The following XPO1 variants were observed in gnomAD, a reference collection of about 807,000 sequenced individuals.
The protein encoded by XPO1 is exportin 1.
A neutral mutation model predicts 133.3 loss-of-function variants in XPO1; 5 were observed. The observed-to-expected ratio is 0.04, with a 90% CI of 0.02 to 0.08. The LOEUF (loss-of-function observed/expected upper bound fraction) is 0.08, where lower values mean the gene tolerates loss of function less well. Among genes scored for constraint, XPO1 ranks in the 10% least tolerant of loss-of-function variants. The pLI is 1.00. For synonymous variants in XPO1, 419 were observed against 408.2 expected (o/e 1.03, Z -0.32); for missense variants, 506 against 1,267.5 (o/e 0.40, Z 9.12).
chr2:61,500,912 G>T (rs1209685813), intron 6 of XPO1, among the ~76,000 whole-genome samples: 3 of 152,336 alleles, frequency 2.0e-5, no homozygotes, highest in Non-Finnish European at 2.9e-5. Context: ...GCCTTGAAAT[G>T]TAGTAGGGTT....
At chr2:61,484,362 TTATTACCATAAGACTACTA>T (rs1696564960) in intron 20 of XPO1, 1 of 387,950 alleles carries the variant, frequency 2.6e-6, no homozygotes. Context: ...ATCTAAACCA[TTATTACCATAAGACTACTA>T]CTATCACTTT....
intron 4 of XPO1, among the ~76,000 whole-genome samples, chr2:61,517,770 TA>T (rs1218852863): frequency 1.1e-4 from 16 of 149,202 alleles, no homozygotes; most frequent in Admixed American, 2.0e-4. Context: ...ACTCTATCTC[TA>T]AAAAAAAAAA....
At chr2:61,480,887 A>C (rs1696315588) in intron 24 of XPO1, among the ~76,000 whole-genome samples, 1 of 152,098 alleles carries the variant, frequency 6.6e-6, no homozygotes, top group African/African-American at 2.4e-5. Context: ...AATTATAAAA[A>C]GAACTACCAA....
intron 4 of XPO1, among the ~76,000 whole-genome samples, chr2:61,517,978 A>C (rs1002186094): frequency 2.6e-5 from 4 of 151,744 alleles, no homozygotes; most frequent in Admixed American, 2.6e-4. Flanking sequence ...ACAAATACAA[A>C]AATTAGCCAG....
intron 4 of XPO1, among the ~76,000 whole-genome samples, chr2:61,520,907 A>AT (rs1345859895): frequency 6.6e-6 from 1 of 152,204 alleles, no homozygotes; most frequent in Non-Finnish European, 1.5e-5. Context: ...TCTGGGGCTC[A>AT]TAACACATGA....
chr2:61,479,069 A>G, intron 24 of XPO1, 103 bp from the exon 25 acceptor site: 1 of 1,364,404 alleles, frequency 7.3e-7, no homozygotes, highest in Non-Finnish European at 1.0e-6. Flanking sequence ...AGGAATATAA[A>G]TTATCCATAA....
chr2:61,515,938 C>A (rs1210596850), intron 4 of XPO1, among the ~76,000 whole-genome samples: 631 of 24,916 alleles, frequency 0.025, 1 homozygote, highest in Non-Finnish European at 0.038. Flanking sequence ...AAAAAAAAAC[C>A]ACACACACAC....
chr2:61,502,945 T>G lies in XPO1; in HGVS notation c.302-635A>C, dbSNP rs796821863. 7.7e-4 allele frequency among the ~76,000 whole-genome samples: 110 copies of G among 142,180 alleles called. 1 individual carries two copies. Among genetic ancestry groups the G allele is most frequent in the African/African-American group, 2.7e-3 (103 of 37,556 alleles). The allele number at this position is 142,180 out of a possible 152,430, so 93.3% of individuals were successfully genotyped here. Reference sequence around the variant, plus strand: ...TATTCCAGTTTCTTTCATCCTGATTTGGTTCCATGTGTTTCTTTTCTTTTT... The same window carrying G: ...TATTCCAGTTTCTTTCATCCTGATTGGGTTCCATGTGTTTCTTTTCTTTTT... On this transcript the variant is annotated intron_variant, in intron 4 of 24. Coordinates refer to ENST00000401558, the MANE Select transcript of XPO1 (RefSeq NM_003400.4).
intron 21 of XPO1, chr2:61,483,433 A>T (rs1696504242): frequency 4.5e-6 from 1 of 223,692 alleles, no homozygotes; most frequent in South Asian, 8.5e-5. Flanking sequence ...GAGGGATAAG[A>T]CTACACATAA....
rs1696434406 is a variant in XPO1 at position 61,482,422 on chromosome 2, T to C, written c.2930A>G (p.Tyr977Cys). ...GGCCGACTTAAGGAGATTAGCCACA[T>C]ATTCCTGAAGAAAGATTTGGTTGTT... ...PVNNQIFLQE[Y>C]VANLLKSAFP... is the part of the protein sequence containing the mutation. The change falls in exon 23 of 25, where the codon TAT (tyrosine) becomes TGT (cysteine). Residue 977 changes from tyrosine (Y) to cysteine (C), a missense_variant. Around this residue, in one of 6 missense-constraint regions of XPO1, gnomAD observed 203 missense variants for 365.9 expected, o/e 0.55. Coordinates refer to ENST00000401558, the MANE Select transcript of XPO1 (RefSeq NM_003400.4). 4 of 1,612,922 alleles carry C rather than the reference T, an allele frequency of 2.5e-6. No homozygotes were observed. The highest frequency in any genetic ancestry group is 2.7e-5 in the African/African-American group (2 of 74,858).
chr2:61,502,540 G>C (rs1697581331), intron 4 of XPO1: 2 of 382,860 alleles, frequency 5.2e-6, no homozygotes, highest in East Asian at 1.0e-4. Flanking sequence ...ATCACCTGAG[G>C]CCAGGAATTC....
At chr2:61,494,211 T>C (rs1004114460) in intron 11 of XPO1, 120 bp from the exon 12 acceptor site, 3 of 899,254 alleles carry the variant, frequency 3.3e-6, no homozygotes, top group African/African-American at 3.4e-5. Context: ...ACAACTCAGA[T>C]TTCAATACTT....
At chr2:61,508,099 C>T (rs369842624) in intron 4 of XPO1, among the ~76,000 whole-genome samples, 2 of 151,906 alleles carry the variant, frequency 1.3e-5, no homozygotes, top group Admixed American at 1.3e-4. Flanking sequence ...CATGGTGGCT[C>T]ACACCTGTAA....
At chr2:61,518,150 G>A (rs562873485) in intron 4 of XPO1, among the ~76,000 whole-genome samples, 3 of 150,332 alleles carry the variant, frequency 2.0e-5, no homozygotes, top group African/African-American at 7.3e-5. Context: ...AAGAAAAAAA[G>A]CCTGAGGCAA....
At chr2:61,493,147 A>C (rs1697073388) in intron 12 of XPO1, 94 bp from the exon 13 acceptor site, 2 of 1,311,094 alleles carry the variant, frequency 1.5e-6, no homozygotes, top group Non-Finnish European at 2.0e-6. Context: ...AAACCAAAAA[A>C]ACCACAAGCC....
At chr2:61,491,903 G>GA (rs1573127570) in intron 16 of XPO1, 132 bp downstream of exon 16, 3 of 1,189,094 alleles carry the variant, frequency 2.5e-6, no homozygotes, top group South Asian at 1.6e-5. Context: ...CTGTCTCAAG[G>GA]AAAAAAGAAA....
At chr2:61,489,245 C>T (rs191987840) in intron 17 of XPO1, among the ~76,000 whole-genome samples, 1 of 151,996 alleles carries the variant, frequency 6.6e-6, no homozygotes, top group East Asian at 2.0e-4. Context: ...GAAACCCTGT[C>T]TCTACTAAAA....
At chr2:61,530,373 C>T (rs1163761654) in intron 2 of XPO1, among the ~76,000 whole-genome samples, 2 of 151,974 alleles carry the variant, frequency 1.3e-5, no homozygotes, top group Non-Finnish European at 2.9e-5. Context: ...AAACTTAAAA[C>T]CCCAGCAGGG....
intron 2 of XPO1, among the ~76,000 whole-genome samples, chr2:61,528,275 C>G (rs567827440): frequency 6.6e-6 from 1 of 151,968 alleles, no homozygotes; most frequent in Non-Finnish European, 1.5e-5. Flanking sequence ...CACATTTTCA[C>G]GGCATGTGTG....
Sources: gnomAD v4.1 joint callset for allele counts (sites outside exome capture counted in the v4.1 genomes callset) on GRCh38, gnomAD v4.1.1 for gene constraint, gnomAD v4.1.1 regional missense constraint, MANE v1.5 for transcripts, NCBI Gene and HGNC (gene_info 2026-07-23, HGNC 2026-07-21) for gene names.